Variants in PREX1 observed in about 807,000 individuals in gnomAD.
PREX1 encodes the protein phosphatidylinositol-3,4,5-trisphosphate dependent Rac exchange factor 1, also known as phosphatidylinositol 3,4,5-trisphosphate-dependent Rac exchanger 1 protein.
In PREX1, 41 loss-of-function variants were observed where a neutral mutation model predicts 198.3. That is an observed-to-expected ratio of 0.21 (90% CI 0.16 to 0.27). The LOEUF is 0.27. Ranked by LOEUF, PREX1 falls within the 10% of genes least tolerant of loss-of-function variation. The pLI, the probability that PREX1 is intolerant of heterozygous loss-of-function variation, is 1.00. For synonymous variants in PREX1, 843 were observed against 887.2 expected (o/e 0.95, Z 0.89); for missense variants, 1,620 against 2,200.7 (o/e 0.74, Z 5.28).
intron 4 of PREX1, among the ~76,000 whole-genome samples, chr20:48,733,853 C>G (rs1480627058): frequency 3.9e-5 from 6 of 152,114 alleles, no homozygotes; most frequent in Admixed American, 6.5e-5. Flanking sequence ...CAGGTTCAAG[C>G]AATTCTCCTG....
the PREX1 span, among the ~76,000 whole-genome samples, chr20:48,844,641 G>A: frequency 3.3e-5 from 5 of 152,144 alleles, no homozygotes; most frequent in African/African-American, 7.2e-5. Flanking sequence ...GTGACAGCAC[G>A]ATGTCTAGGG....
At chr20:48,776,147 C>G (rs1458829610) in intron 1 of PREX1, among the ~76,000 whole-genome samples, 3 of 152,148 alleles carry the variant, frequency 2.0e-5, no homozygotes, top group African/African-American at 7.2e-5. Flanking sequence ...CCCTCACCCC[C>G]TGAGGCTTAT....
At chr20:48,826,912 G>C (rs2090511673) in intron 1 of PREX1, among the ~76,000 whole-genome samples, 1 of 152,184 alleles carries the variant, frequency 6.6e-6, no homozygotes, top group African/African-American at 2.4e-5. Flanking sequence ...CTACTTCATA[G>C]ACCGCCTGTG....
chr20:48,658,051 G>T, intron 17 of PREX1, 85 bp downstream of exon 17: 2 of 1,299,544 alleles, frequency 1.5e-6, no homozygotes, highest in East Asian at 2.3e-5. Flanking sequence ...AATCTCCTGG[G>T]CTGGGCTGCC....
At chr20:48,643,414 A>G (rs2089428497) in intron 27 of PREX1, among the ~76,000 whole-genome samples, 1 of 151,944 alleles carries the variant, frequency 6.6e-6, no homozygotes, top group Non-Finnish European at 1.5e-5. Flanking sequence ...GGTTGCAGTG[A>G]GCTGAGATCG....
intron 1 of PREX1, among the ~76,000 whole-genome samples, chr20:48,758,591 T>C (rs1190352749): frequency 1.3e-5 from 2 of 152,176 alleles, no homozygotes; most frequent in Non-Finnish European, 2.9e-5. Flanking sequence ...AAAATACTTC[T>C]GAGCTGATGG....
intron 5 of PREX1, among the ~76,000 whole-genome samples, chr20:48,724,174 T>G (rs1320110355): frequency 6.6e-6 from 1 of 152,132 alleles, no homozygotes; most frequent in South Asian, 2.1e-4. Context: ...TTAGGGGTGG[T>G]CCTCTGGAAT....
At chr20:48,675,275 C>CGGCA (rs887168388) in intron 14 of PREX1, among the ~76,000 whole-genome samples, 2 of 152,214 alleles carry the variant, frequency 1.3e-5, no homozygotes, top group Non-Finnish European at 2.9e-5. Flanking sequence ...TGGAAACAGA[C>CGGCA]GGCAGCCTTC....
At chr20:48,692,624 G>GCAGGCAGGGCT (rs140171384) in intron 8 of PREX1, 48 bp downstream of exon 8, 41 of 1,409,260 alleles carry the variant, frequency 2.9e-5, no homozygotes, top group South Asian at 4.6e-5. Context: ...GTGCCAGGGA[G>GCAGGCAGGGCT]CAGGCAGGGC....
intron 1 of PREX1, among the ~76,000 whole-genome samples, chr20:48,762,091 A>G (rs1219124946): frequency 6.6e-6 from 1 of 152,170 alleles, no homozygotes; most frequent in Non-Finnish European, 1.5e-5. Context: ...TGAACCTGCT[A>G]CTTCGCCTTT....
At chr20:48,700,915 G>A (rs371556613) in intron 6 of PREX1, 29 bp from the exon 7 acceptor site, 9 of 1,613,466 alleles carry the variant, frequency 5.6e-6, no homozygotes, top group South Asian at 5.5e-5. Flanking sequence ...CACAGTGAAT[G>A]AGCCAACCCA....
the PREX1 span, among the ~76,000 whole-genome samples, chr20:48,883,906 T>C: frequency 6.6e-6 from 1 of 151,964 alleles, no homozygotes; most frequent in Admixed American, 6.6e-5. Flanking sequence ...TTTGGGGGGC[T>C]GAGGTGGGCA....
intron 7 of PREX1, 56 bp from the exon 8 acceptor site, chr20:48,692,846 T>C: frequency 7.0e-7 from 1 of 1,436,568 alleles, no homozygotes; most frequent in East Asian, 2.3e-5. Flanking sequence ...GATGCAACTG[T>C]TTTCAACAGC....
intron 1 of PREX1, among the ~76,000 whole-genome samples, chr20:48,778,473 C>A (rs540486597): frequency 6.6e-6 from 1 of 151,818 alleles, no homozygotes; most frequent in African/African-American, 2.4e-5. Context: ...GCCTGTAATC[C>A]TAGCTACTCC....
intron 4 of PREX1, among the ~76,000 whole-genome samples, chr20:48,728,481 C>T (rs1398180512): frequency 6.6e-6 from 1 of 152,230 alleles, no homozygotes; most frequent in Non-Finnish European, 1.5e-5. Flanking sequence ...CTGGGGACCC[C>T]AGGTCCCAGC....
In PREX1 at chr20:48,636,504, C is replaced by G. The variant is rs375868814; in HGVS notation, c.4126G>C (p.Val1376Leu). Residue 1376 changes from valine (V) to leucine (L), a missense_variant, in exon 32 of 40, where the codon GTC becomes CTC. Around this residue, in one of 7 missense-constraint regions of PREX1, gnomAD observed 476 missense variants for 603.4 expected, o/e 0.79. Transcript: ENST00000371941. ...KWLEQVAATGVLLHCQSLLSP... is the reference protein window; with the variant it reads ...KWLEQVAATGLLLHCQSLLSP... ...AGCAGGGACTGGCAGTGCAGCAGGACGCCCGTGGCCGCCACCTGCTCCAGC... is the reference window on the plus strand; with the variant it reads ...AGCAGGGACTGGCAGTGCAGCAGGAGGCCCGTGGCCGCCACCTGCTCCAGC... The G allele has an allele frequency of 6.2e-7, 1 of 1,609,308 alleles. No homozygotes were observed.
intron 15 of PREX1, among the ~76,000 whole-genome samples, chr20:48,662,746 T>A (rs2122950549): frequency 6.6e-6 from 1 of 152,328 alleles, no homozygotes; most frequent in South Asian, 2.1e-4. Context: ...ATCCTGGAAT[T>A]GGCCCTTTCC....
At chr20:48,833,740 C>A in the PREX1 span, among the ~76,000 whole-genome samples, 1 of 152,098 alleles carries the variant, frequency 6.6e-6, no homozygotes, top group Non-Finnish European at 1.5e-5. Context: ...GGCGCCTGGC[C>A]GACCCTATCC....
intron 1 of PREX1, among the ~76,000 whole-genome samples, chr20:48,752,664 A>C (rs979112501): frequency 1.3e-5 from 2 of 152,126 alleles, no homozygotes; most frequent in African/African-American, 4.8e-5. Flanking sequence ...GGTGGCCCCC[A>C]TGGTAACCCG....
Sources: gnomAD v4.1 joint callset for allele counts (sites outside exome capture counted in the v4.1 genomes callset) on GRCh38, gnomAD v4.1.1 for gene constraint, gnomAD v4.1.1 regional missense constraint, MANE v1.5 for transcripts, NCBI Gene and HGNC (gene_info 2026-07-23, HGNC 2026-07-21) for gene names.